Variants in RELN observed in about 807,000 individuals in gnomAD.
RELN encodes reelin.
A neutral mutation model predicts 427.6 loss-of-function variants in RELN; 108 were observed. The ratio of observed to expected loss-of-function variants is 0.25; its 90% CI spans 0.22 to 0.30. The LOEUF is 0.30. Among genes scored for constraint, RELN ranks in the 10% least tolerant of loss-of-function variants. RELN has a pLI of 1.00. For missense variants in RELN, 3,715 were observed against 4,302.8 expected, an observed-to-expected ratio of 0.86 and a Z score of 3.82; for synonymous variants, 1,524 against 1,513.4, an observed-to-expected ratio of 1.01 and a Z score of -0.16.
At chr7:103,742,112 A>G (rs1790679641) in intron 6 of RELN, among the ~76,000 whole-genome samples, 1 of 152,130 alleles carries the variant, frequency 6.6e-6, no homozygotes. Context: ...GTTCACCAAT[A>G]TTTGCTGTTC....
At chr7:103,883,037 A>G (rs920059128) in intron 2 of RELN, among the ~76,000 whole-genome samples, 2 of 152,248 alleles carry the variant, frequency 1.3e-5, no homozygotes, top group Non-Finnish European at 2.9e-5. Context: ...AAAATCCTCA[A>G]TAAATTATTG....
At chr7:103,888,257 A>C (rs1481891346) in intron 2 of RELN, among the ~76,000 whole-genome samples, 1 of 151,778 alleles carries the variant, frequency 6.6e-6, no homozygotes, top group African/African-American at 2.4e-5. Flanking sequence ...ATATATATAT[A>C]TATCACCCGA....
intron 10 of RELN, among the ~76,000 whole-genome samples, chr7:103,685,747 T>C (rs12666897): frequency 6.6e-6 from 1 of 151,882 alleles, no homozygotes; most frequent in Non-Finnish European, 1.5e-5. Context: ...TTTCTCTTTG[T>C]CAATCAAAAA....
At chr7:103,741,775 G>A (rs905170745) in intron 6 of RELN, among the ~76,000 whole-genome samples, 1 of 147,614 alleles carries the variant, frequency 6.8e-6, no homozygotes, top group African/African-American at 2.6e-5. Context: ...CACTGCAACT[G>A]TAATACAATG....
At chr7:103,586,416 C>T (rs892335109) in intron 28 of RELN, among the ~76,000 whole-genome samples, 1 of 151,920 alleles carries the variant, frequency 6.6e-6, no homozygotes, top group African/African-American at 2.4e-5. Context: ...AAACCCACAG[C>T]CAACATTATA....
chr7:103,593,923 A>G, intron 26 of RELN, 41 bp from the exon 27 acceptor site: 1 of 1,472,622 alleles, frequency 6.8e-7, no homozygotes, highest in Non-Finnish European at 9.5e-7. Flanking sequence ...GCAATTTGAT[A>G]GCTTTGAAAA....
intron 12 of RELN, among the ~76,000 whole-genome samples, chr7:103,656,850 A>T (rs1833033167): frequency 6.6e-6 from 1 of 152,024 alleles, no homozygotes; most frequent in East Asian, 1.9e-4. Flanking sequence ...AAGTACAAGG[A>T]TTATCTCTTT....
At chr7:103,649,052 A>C (rs1315319822) in intron 16 of RELN, among the ~76,000 whole-genome samples, 1 of 152,040 alleles carries the variant, frequency 6.6e-6, no homozygotes, top group Non-Finnish European at 1.5e-5. Flanking sequence ...TGAAAACTAG[A>C]ACTACCATTT....
chr7:103,562,718 T>A (rs767278649), intron 34 of RELN, among the ~76,000 whole-genome samples: 3 of 152,212 alleles, frequency 2.0e-5, no homozygotes, highest in Non-Finnish European at 4.4e-5. Context: ...CTGTTTCCCC[T>A]ACACAAGTTC....
chr7:103,919,912 AAT>A (rs1795575047), intron 1 of RELN, among the ~76,000 whole-genome samples: 3 of 152,196 alleles, frequency 2.0e-5, no homozygotes, highest in Non-Finnish European at 4.4e-5. Context: ...AAATTATTTA[AAT>A]ATGTATATGA....
intron 6 of RELN, 66 bp downstream of exon 6, chr7:103,749,360 A>T (rs1396202379): frequency 1.0e-5 from 12 of 1,199,810 alleles, no homozygotes; most frequent in Non-Finnish European, 1.4e-5. Context: ...ACTGCTCCTT[A>T]AAGGAGCAGT....
At chr7:103,678,951 G>C (rs112387074) in intron 11 of RELN, among the ~76,000 whole-genome samples, 1 of 152,102 alleles carries the variant, frequency 6.6e-6, no homozygotes. Flanking sequence ...ACTGAGCAGA[G>C]AAAACAGAAC....
intron 1 of RELN, among the ~76,000 whole-genome samples, chr7:103,954,163 G>A (rs1796388387): frequency 6.6e-6 from 1 of 152,174 alleles, no homozygotes; most frequent in African/African-American, 2.4e-5. Flanking sequence ...AAGAGGCTGA[G>A]GCAGGAGAAT....
At chr7:103,967,542 C>T (rs1796684236) in intron 1 of RELN, among the ~76,000 whole-genome samples, 1 of 152,118 alleles carries the variant, frequency 6.6e-6, no homozygotes, top group African/African-American at 2.4e-5. Flanking sequence ...TGCAAACAGG[C>T]TTTCAAGACA....
At chr7:103,959,613 C>CT (rs912612930) in intron 1 of RELN, among the ~76,000 whole-genome samples, 3 of 121,452 alleles carry the variant, frequency 2.5e-5, no homozygotes, top group East Asian at 3.0e-4. Context: ...CTCTCTCTCT[C>CT]TTTTTTTCTT....
chr7:103,938,042 C>T (rs567203082), intron 1 of RELN, among the ~76,000 whole-genome samples: 4 of 152,214 alleles, frequency 2.6e-5, no homozygotes, highest in South Asian at 2.1e-4. Flanking sequence ...AGTTCCTGGC[C>T]GGGCGTGGTG....
intron 3 of RELN, among the ~76,000 whole-genome samples, chr7:103,818,017 A>G (rs1792921867): frequency 6.6e-6 from 1 of 151,960 alleles, no homozygotes; most frequent in African/African-American, 2.4e-5. Flanking sequence ...CACTTTTTAA[A>G]AAAAGATCAA....
chr7:103,575,476 A>G, intron 29 of RELN, 72 bp downstream of exon 29: 1 of 1,461,316 alleles, frequency 6.8e-7, no homozygotes, highest in Non-Finnish European at 9.6e-7. Flanking sequence ...CTTTGGGAGA[A>G]TAACATGAAA....
rs574598537 is a variant in RELN at position 103,573,278 on chromosome 7, A to G, written c.4511+814T>C. Among the ~76,000 whole-genome samples, 87 of 152,300 alleles carry G rather than the reference A, an allele frequency of 5.7e-4. 1 individual carries two copies. In the South Asian group the frequency reaches 0.017, roughly 30 times the overall value. On this transcript the variant is annotated intron_variant, in intron 30 of 64. Coordinates refer to ENST00000428762, the MANE Select transcript of RELN (RefSeq NM_005045.4). The surrounding 1 kb of genome is among the most constrained non-coding windows in gnomAD (Gnocchi z 4.4). The stretch of plus-strand genomic sequence containing the variant: ...AATCTAACTTAAGAAGCTGAATACC[A>G]TATTTGTTTAGAGTCAGATAATTAC...
Sources: allele counts gnomAD v4.1 joint callset (sites outside exome capture counted in the v4.1 genomes callset), GRCh38; gene constraint gnomAD v4.1.1; non-coding constraint Gnocchi (gnomAD v3.1); transcripts MANE v1.5; gene names NCBI Gene and HGNC (gene_info 2026-07-23, HGNC 2026-07-21).